Variants in RBFOX1 observed in about 807,000 individuals in gnomAD.
RBFOX1 encodes RNA binding fox-1 homolog 1, also known as RNA binding protein fox-1 homolog 1.
In RBFOX1, 8 loss-of-function variants were observed where a neutral mutation model predicts 57.7. The observed-to-expected ratio is 0.14, with a 90% CI of 0.08 to 0.25. The LOEUF (loss-of-function observed/expected upper bound fraction) is 0.25, where lower values mean the gene tolerates loss of function less well. Ranked by LOEUF, RBFOX1 falls within the 10% of genes least tolerant of loss-of-function variation. The pLI is 1.00. For synonymous variants in RBFOX1, 326 were observed against 222.4 expected, an observed-to-expected ratio of 1.47 and a Z score of -4.15; for missense variants, 611 against 548.5, an observed-to-expected ratio of 1.11 and a Z score of -1.14.
At chr16:6,680,103 T>C (rs1202438844) in intron 3 of RBFOX1, among the ~76,000 whole-genome samples, 1 of 152,000 alleles carries the variant, frequency 6.6e-6, no homozygotes, top group Non-Finnish European at 1.5e-5. Context: ...ACTTCAGTTT[T>C]CTCATCTGTA....
At chr16:5,711,580 C>T (rs984252619) in intron 3 of RBFOX1, among the ~76,000 whole-genome samples, 4 of 152,082 alleles carry the variant, frequency 2.6e-5, no homozygotes, top group Admixed American at 2.0e-4. Context: ...AGGCAAAGGC[C>T]GTGGTCATAG....
intron 2 of RBFOX1, among the ~76,000 whole-genome samples, chr16:5,579,005 G>T (rs1384966147): frequency 6.6e-6 from 1 of 151,822 alleles, no homozygotes; most frequent in Non-Finnish European, 1.5e-5. Flanking sequence ...GTACCATCAC[G>T]CCCGGCTAAT....
chr16:6,226,940 C>T (rs1453161228), intron 1 of RBFOX1, among the ~76,000 whole-genome samples: 1 of 144,104 alleles, frequency 6.9e-6, no homozygotes. Flanking sequence ...GAAACCCCAT[C>T]TCTACTAAAA....
intron 2 of RBFOX1, among the ~76,000 whole-genome samples, chr16:6,363,137 G>A (rs2088905076): frequency 6.6e-6 from 1 of 152,152 alleles, no homozygotes; most frequent in South Asian, 2.1e-4. Context: ...GCCTCATTAA[G>A]TAACTCAATT....
At chr16:6,482,099 T>G (rs768290057) in intron 2 of RBFOX1, among the ~76,000 whole-genome samples, 7 of 152,210 alleles carry the variant, frequency 4.6e-5, no homozygotes, top group Non-Finnish European at 1.0e-4. Context: ...TACCAATGCA[T>G]AAAATCCTAA....
chr16:6,661,411 G>A (rs1011680846), intron 3 of RBFOX1, among the ~76,000 whole-genome samples: 2 of 152,174 alleles, frequency 1.3e-5, no homozygotes, highest in African/African-American at 4.8e-5. Flanking sequence ...GTCTGAGATT[G>A]GCTAAAGGAG....
At chr16:5,577,748 T>C (rs2046516853) in intron 2 of RBFOX1, among the ~76,000 whole-genome samples, 1 of 152,016 alleles carries the variant, frequency 6.6e-6, no homozygotes, top group Non-Finnish European at 1.5e-5. Context: ...ACGTTAATAT[T>C]CCTGAAAAAA....
intron 3 of RBFOX1, among the ~76,000 whole-genome samples, chr16:6,751,845 A>G (rs11865152): frequency 0.089 from 13,537 of 152,214 alleles, 753 homozygotes; most frequent in East Asian, 0.15. Context: ...ACCAGCTACA[A>G]TCTTGGACTT....
intron 4 of RBFOX1, among the ~76,000 whole-genome samples, chr16:7,215,725 A>AT (rs56108914): frequency 0.34 from 44,942 of 133,128 alleles, 8,522 homozygotes; most frequent in East Asian, 0.57. Context: ...CCTATTCTGG[A>AT]TTTTTTTTTT....
At chr16:6,449,954 G>T (rs924270053) in intron 2 of RBFOX1, among the ~76,000 whole-genome samples, 3 of 152,196 alleles carry the variant, frequency 2.0e-5, no homozygotes, top group African/African-American at 7.2e-5. Flanking sequence ...GCCAGGTCAG[G>T]AGAGAGCTGT....
chr16:5,571,741 TACTC>T (rs2151133745), intron 2 of RBFOX1, among the ~76,000 whole-genome samples: 1 of 152,344 alleles, frequency 6.6e-6, no homozygotes. Flanking sequence ...CTATCTCTTT[TACTC>T]AATAAATACG....
At chr16:6,219,824 C>T (rs1157094543) in intron 1 of RBFOX1, among the ~76,000 whole-genome samples, 5 of 152,074 alleles carry the variant, frequency 3.3e-5, no homozygotes, top group East Asian at 3.9e-4. Flanking sequence ...TGCAGTGAGC[C>T]GAGATTATGC....
At chr16:5,436,477 C>T (rs77961331) in intron 1 of RBFOX1, among the ~76,000 whole-genome samples, 3,215 of 152,276 alleles carry the variant, frequency 0.021, 124 homozygotes, top group African/African-American at 0.074. Context: ...ACTTCTCTTG[C>T]AGAGATAAGG....
At chr16:7,102,994 C>T (rs934585741) in intron 4 of RBFOX1, among the ~76,000 whole-genome samples, 12 of 151,958 alleles carry the variant, frequency 7.9e-5, no homozygotes, top group African/African-American at 2.9e-4. Context: ...TACAGACACA[C>T]ACACACACAT....
chr16:7,338,854 G>T (rs763502413), intron 4 of RBFOX1, among the ~76,000 whole-genome samples: 1 of 152,158 alleles, frequency 6.6e-6, no homozygotes, highest in Non-Finnish European at 1.5e-5. Flanking sequence ...TCTGTGGCTG[G>T]CATTTCAGGT....
chr16:5,297,368 G>A (rs2063695027), intron 1 of RBFOX1, among the ~76,000 whole-genome samples: 1 of 152,208 alleles, frequency 6.6e-6, no homozygotes, highest in Non-Finnish European at 1.5e-5. Context: ...TCCCAAGACA[G>A]TATGCAAGCA....
chr16:6,388,594 G>T (rs1316587489), intron 2 of RBFOX1, among the ~76,000 whole-genome samples: 1 of 151,908 alleles, frequency 6.6e-6, no homozygotes, highest in Non-Finnish European at 1.5e-5. Context: ...AGGAAACCTG[G>T]CTGGGCACAG....
At chr16:5,392,529 A>T (rs7190648) in intron 1 of RBFOX1, among the ~76,000 whole-genome samples, 55,557 of 149,898 alleles carry the variant, frequency 0.37, 10,552 homozygotes, top group African/African-American at 0.41. Flanking sequence ...ATATATATAT[A>T]TTTTTTTTCT....
At chr16:7,216,885 G>A (rs1242096233) in intron 4 of RBFOX1, among the ~76,000 whole-genome samples, 3 of 152,206 alleles carry the variant, frequency 2.0e-5, no homozygotes, top group Admixed American at 1.3e-4. Flanking sequence ...ATCATCCTGT[G>A]TTGTAATCAT....
Sources: gnomAD v4.1 joint callset for allele counts (sites outside exome capture counted in the v4.1 genomes callset) on GRCh38, gnomAD v4.1.1 for gene constraint, MANE v1.5 for transcripts, NCBI Gene and HGNC (gene_info 2026-07-23, HGNC 2026-07-21) for gene names.